Variants in LRRC4C observed in about 807,000 individuals in gnomAD.
LRRC4C encodes the protein leucine rich repeat containing 4C, also known as leucine-rich repeat-containing protein 4C.
Under a neutral mutation model 33.6 loss-of-function variants are expected in LRRC4C, and 5 were observed. The ratio of observed to expected loss-of-function variants is 0.15; its 90% confidence interval spans 0.08 to 0.31. The LOEUF is 0.31. Among genes scored for constraint, LRRC4C ranks in the 10% least tolerant of loss-of-function variants. The probability of loss-of-function intolerance (pLI) is 1.00; values close to 1 mark genes in which losing one functional copy is unlikely to be tolerated. For synonymous variants in LRRC4C, 329 were observed against 302.0 expected (o/e 1.09, Z -0.93); for missense variants, 560 against 796.7 (o/e 0.70, Z 3.58).
At position 41,090,469 on chromosome 11, in the gene LRRC4C, G is replaced by C. The variant is rs150544596; in HGVS notation, c.-495-156746C>G. ...ATTTTAGTTTCAAAAAGATTGATATGCTTGATATTTTTCATCAATAATTAA... is the reference window on the plus strand; with the variant it reads ...ATTTTAGTTTCAAAAAGATTGATATCCTTGATATTTTTCATCAATAATTAA... On this transcript the variant is annotated intron_variant, in intron 1 of 6. Transcript: ENST00000528697. 3.4e-4 allele frequency among the ~76,000 whole-genome samples: 52 copies of C among 152,126 alleles called. 1 individual carries two copies. Among genetic ancestry groups the C allele is most frequent in the African/African-American group, 1.2e-3 (48 of 41,516 alleles).
chr11:41,253,641 T>A (rs1167045855), intron 1 of LRRC4C, among the ~76,000 whole-genome samples: 1 of 152,136 alleles, frequency 6.6e-6, no homozygotes, highest in African/African-American at 2.4e-5. Context: ...ATCCCTGGCC[T>A]AATAGCACAG....
intron 3 of LRRC4C, among the ~76,000 whole-genome samples, chr11:40,566,129 T>C (rs1009513420): frequency 1.4e-4 from 21 of 150,554 alleles, no homozygotes; most frequent in Non-Finnish European, 3.1e-4. Flanking sequence ...ACTTTTTTTT[T>C]CCTCTAAATA....
At position 40,225,408 on chromosome 11, in the gene LRRC4C, G is replaced by C. The variant is rs560748484; in HGVS notation, c.-96+16111C>G. Among the ~76,000 whole-genome samples, 3 of 152,218 alleles carry C rather than the reference G, an allele frequency of 2.0e-5. No individual in the cohort carries two copies. The South Asian group carries it at 6.2e-4, about 32-fold the overall frequency. The stretch of plus-strand genomic sequence containing the variant: ...TCTTAAGTTCTATTGTCCTCATTTG[G>C]TCTCACCTTTTCAAACGGGCTTTTG... On this transcript the variant is annotated intron_variant, in intron 5 of 6. Transcript: ENST00000528697.
chr11:40,458,019 T>C (rs1297735894), intron 3 of LRRC4C, among the ~76,000 whole-genome samples: 3 of 152,136 alleles, frequency 2.0e-5, no homozygotes, highest in African/African-American at 7.2e-5. Flanking sequence ...TAAAGTAATG[T>C]AGATAAAAGT....
intron 1 of LRRC4C, among the ~76,000 whole-genome samples, chr11:41,114,322 G>C (rs1313166609): frequency 6.6e-6 from 1 of 151,978 alleles, no homozygotes; most frequent in Non-Finnish European, 1.5e-5. Context: ...GACAGCTGAT[G>C]CTATGAAGCA....
intron 3 of LRRC4C, among the ~76,000 whole-genome samples, chr11:40,593,152 G>A (rs1591214779): frequency 6.6e-6 from 1 of 152,168 alleles, no homozygotes; most frequent in African/African-American, 2.4e-5. Context: ...ACCACAGAGA[G>A]AGATGCTATG....
chr11:40,256,959 A>G (rs1867257469), intron 4 of LRRC4C, among the ~76,000 whole-genome samples: 2 of 152,208 alleles, frequency 1.3e-5, no homozygotes, highest in African/African-American at 2.4e-5. Context: ...GTTTCTGCCA[A>G]TCAACTCCTG....
At chr11:40,397,451 T>C (rs1269673495) in intron 3 of LRRC4C, among the ~76,000 whole-genome samples, 1 of 152,038 alleles carries the variant, frequency 6.6e-6, no homozygotes, top group African/African-American at 2.4e-5. Flanking sequence ...GAGACTGAAA[T>C]TTACAGCTCT....
chr11:40,176,240 G>T (rs149723558), intron 5 of LRRC4C, among the ~76,000 whole-genome samples: 1 of 152,076 alleles, frequency 6.6e-6, no homozygotes, highest in East Asian at 1.9e-4. Flanking sequence ...ATAAGACTGC[G>T]CATAAAGAAT....
intron 2 of LRRC4C, among the ~76,000 whole-genome samples, chr11:40,825,720 T>C (rs538520301): frequency 1.3e-5 from 2 of 151,914 alleles, no homozygotes; most frequent in Admixed American, 6.6e-5. Flanking sequence ...TTTCTTTTTC[T>C]TTCCTGACAG....
At chr11:40,884,832 C>A (rs1955363938) in intron 2 of LRRC4C, among the ~76,000 whole-genome samples, 1 of 151,948 alleles carries the variant, frequency 6.6e-6, no homozygotes, top group African/African-American at 2.4e-5. Flanking sequence ...CCTTTAAAAT[C>A]TATCCCATGG....
intron 3 of LRRC4C, chr11:40,447,153 TA>T (rs1229208831): frequency 2.4e-5 from 4 of 170,030 alleles, no homozygotes; most frequent in African/African-American, 9.5e-5. Flanking sequence ...CCAATCCTGG[TA>T]ATGGCACATT....
chr11:40,327,177 G>T (rs1405436173), intron 3 of LRRC4C, among the ~76,000 whole-genome samples: 1 of 152,200 alleles, frequency 6.6e-6, no homozygotes, highest in African/African-American at 2.4e-5. Flanking sequence ...GGCAGAGAAA[G>T]AAATGTAAGC....
At chr11:41,418,010 C>T (rs867086909) in intron 1 of LRRC4C, among the ~76,000 whole-genome samples, 3 of 150,610 alleles carry the variant, frequency 2.0e-5, no homozygotes, top group African/African-American at 7.3e-5. Context: ...ACACATAGAC[C>T]CCCCCACACA....
intron 1 of LRRC4C, among the ~76,000 whole-genome samples, chr11:41,135,061 T>TACAC (rs147589582): frequency 1.1e-4 from 17 of 151,336 alleles, no homozygotes; most frequent in African/African-American, 4.1e-4. Context: ...TATACACATA[T>TACAC]ACACACACAC....
chr11:40,153,094 A>G (rs893151837), intron 5 of LRRC4C, among the ~76,000 whole-genome samples: 1 of 152,176 alleles, frequency 6.6e-6, no homozygotes, highest in Non-Finnish European at 1.5e-5. Flanking sequence ...TGAGAGACCC[A>G]TAGACAGTTC....
chr11:40,957,884 T>C (rs1403820972), intron 1 of LRRC4C, among the ~76,000 whole-genome samples: 2 of 151,682 alleles, frequency 1.3e-5, no homozygotes, highest in Non-Finnish European at 3.0e-5. Context: ...GTGGCTGCTA[T>C]GGTCTGAATG....
At chr11:40,995,610 A>G (rs944411814) in intron 1 of LRRC4C, among the ~76,000 whole-genome samples, 1 of 152,290 alleles carries the variant, frequency 6.6e-6, no homozygotes, top group African/African-American at 2.4e-5. Flanking sequence ...TTGCTATCTA[A>G]TTTTAGATAC....
chr11:40,877,378 T>C (rs1286052416), intron 2 of LRRC4C, among the ~76,000 whole-genome samples: 1 of 152,148 alleles, frequency 6.6e-6, no homozygotes, highest in African/African-American at 2.4e-5. Context: ...TATATTTTCA[T>C]TTACATCCCC....
Sources: gnomAD v4.1 joint callset for allele counts (sites outside exome capture counted in the v4.1 genomes callset) on GRCh38, gnomAD v4.1.1 for gene constraint, MANE v1.5 for transcripts, NCBI Gene and HGNC (gene_info 2026-07-23, HGNC 2026-07-21) for gene names.